Variants in KCTD8 observed in about 807,000 individuals in gnomAD.
The protein encoded by KCTD8 is potassium channel tetramerization domain containing 8.
KCTD8 carries 27 observed loss-of-function variants against 31.5 expected under a neutral mutation model. That is an observed-to-expected ratio of 0.86 (90% CI 0.63 to 1.18). The LOEUF is 1.18. Among genes scored for constraint, KCTD8 ranks in the 50% most tolerant of loss-of-function variants. The pLI, the probability that KCTD8 is intolerant of heterozygous loss-of-function variation, is 0.00. For synonymous variants in KCTD8, 290 were observed against 280.0 expected (o/e 1.04, Z -0.36); for missense variants, 658 against 647.7 (o/e 1.02, Z -0.17).
At chr4:44,346,187 T>C (rs942183969) in intron 1 of KCTD8, among the ~76,000 whole-genome samples, 1 of 152,174 alleles carries the variant, frequency 6.6e-6, no homozygotes, top group Non-Finnish European at 1.5e-5. Context: ...AATGATCACA[T>C]GTACATTTCT....
chr4:44,336,707 C>A (rs1560429547), intron 1 of KCTD8, among the ~76,000 whole-genome samples: 1 of 151,836 alleles, frequency 6.6e-6, no homozygotes, highest in Non-Finnish European at 1.5e-5. Context: ...TTCTCTGTAC[C>A]AGTAACAGTT....
At chr4:44,439,476 A>G (rs1721762466) in intron 1 of KCTD8, among the ~76,000 whole-genome samples, 1 of 152,224 alleles carries the variant, frequency 6.6e-6, no homozygotes, top group Non-Finnish European at 1.5e-5. Flanking sequence ...TTAAGTGTCC[A>G]GTTAGGAATC....
At chr4:44,360,256 T>C (rs1228032470) in intron 1 of KCTD8, among the ~76,000 whole-genome samples, 1 of 152,044 alleles carries the variant, frequency 6.6e-6, no homozygotes, top group African/African-American at 2.4e-5. Flanking sequence ...TAAGAATCTA[T>C]AAAATTATTT....
chr4:44,291,828 C>T (rs1271688851), intron 1 of KCTD8, among the ~76,000 whole-genome samples: 4 of 151,902 alleles, frequency 2.6e-5, no homozygotes, highest in Non-Finnish European at 5.9e-5. Context: ...CAAGAACAGA[C>T]ATTTCTCAAA....
At chr4:44,437,297 T>C (rs1007824777) in intron 1 of KCTD8, among the ~76,000 whole-genome samples, 1 of 152,150 alleles carries the variant, frequency 6.6e-6, no homozygotes, top group Non-Finnish European at 1.5e-5. Context: ...TCACCTACCA[T>C]GTGCAGTCTA....
chr4:44,423,413 T>C (rs1209002413), intron 1 of KCTD8, among the ~76,000 whole-genome samples: 55 of 152,168 alleles, frequency 3.6e-4, no homozygotes, highest in Non-Finnish European at 1.3e-4. Flanking sequence ...CTGTTAATTA[T>C]TTAGTGAACT....
At chr4:44,266,161 C>T (rs1336313312) in intron 1 of KCTD8, among the ~76,000 whole-genome samples, 3 of 152,254 alleles carry the variant, frequency 2.0e-5, no homozygotes, top group Admixed American at 6.5e-5. Flanking sequence ...GGGTTACCCA[C>T]AAAGGGAAGC....
intron 1 of KCTD8, among the ~76,000 whole-genome samples, chr4:44,252,459 CT>C (rs1253255337): frequency 6.6e-6 from 1 of 151,764 alleles, no homozygotes; most frequent in Non-Finnish European, 1.5e-5. Context: ...AGTAGTTGTA[CT>C]AGTTTACATT....
intron 1 of KCTD8, among the ~76,000 whole-genome samples, chr4:44,226,691 C>T (rs545007487): frequency 7.2e-5 from 11 of 152,268 alleles, no homozygotes; most frequent in African/African-American, 2.6e-4. Flanking sequence ...TCCACAGCCT[C>T]GCCAAAATCC....
At chr4:44,329,896 A>G (rs1316185484) in intron 1 of KCTD8, among the ~76,000 whole-genome samples, 1 of 151,922 alleles carries the variant, frequency 6.6e-6, no homozygotes. Context: ...ACAACAGTAA[A>G]TGTAACTCTG....
chr4:44,227,118 C>T (rs1321758320), intron 1 of KCTD8, among the ~76,000 whole-genome samples: 1 of 152,108 alleles, frequency 6.6e-6, no homozygotes, highest in Non-Finnish European at 1.5e-5. Context: ...CTTGCCCATG[C>T]CTATGTGCTG....
In KCTD8 at chr4:44,174,771, T is replaced by C; in HGVS notation, c.*19A>G. 1 of 1,552,426 alleles carries C rather than the reference T, an allele frequency of 6.4e-7. No individual in the cohort carries two copies. On this transcript the variant is annotated 3_prime_UTR_variant, in exon 2 of 2. Transcript: ENST00000360029. ...TAAACATTGAATGTCATCAAAATAC[T>C]GCAGGAATGTGACAATTACTATAAC...
chr4:44,387,401 C>T (rs1329572597), intron 1 of KCTD8, among the ~76,000 whole-genome samples: 1 of 151,858 alleles, frequency 6.6e-6, no homozygotes, highest in Non-Finnish European at 1.5e-5. Context: ...AAAAAAGAGC[C>T]TGAATAACCA....
At chr4:44,232,942 A>G (rs559568024) in intron 1 of KCTD8, among the ~76,000 whole-genome samples, 10 of 152,182 alleles carry the variant, frequency 6.6e-5, no homozygotes, top group South Asian at 2.1e-4. Context: ...TTGGAGTGGG[A>G]AAGTGGAAAA....
chr4:44,442,487 C>T (rs890282935), intron 1 of KCTD8, among the ~76,000 whole-genome samples: 1 of 151,536 alleles, frequency 6.6e-6, no homozygotes, highest in Non-Finnish European at 1.5e-5. Flanking sequence ...CTCGGGAGGC[C>T]GAGGCAGGAG....
chr4:44,434,657 A>T (rs1721598665), intron 1 of KCTD8, among the ~76,000 whole-genome samples: 1 of 151,994 alleles, frequency 6.6e-6, no homozygotes, highest in Non-Finnish European at 1.5e-5. Flanking sequence ...GAACAAAAAA[A>T]GAAAGCACTG....
chr4:44,186,254 C>A (rs1311244774), intron 1 of KCTD8, among the ~76,000 whole-genome samples: 1 of 152,174 alleles, frequency 6.6e-6, no homozygotes, highest in Non-Finnish European at 1.5e-5. Context: ...GTGGCGGCGG[C>A]TGAGGGGAAT....
intron 1 of KCTD8, among the ~76,000 whole-genome samples, chr4:44,368,682 A>G (rs1719703178): frequency 6.6e-6 from 1 of 152,206 alleles, no homozygotes; most frequent in African/African-American, 2.4e-5. Context: ...AACTATAAGT[A>G]AAAAGTAAGC....
chr4:44,313,995 T>C (rs944277116), intron 1 of KCTD8, among the ~76,000 whole-genome samples: 5 of 152,134 alleles, frequency 3.3e-5, no homozygotes, highest in African/African-American at 1.2e-4. Flanking sequence ...GGCCAGACAA[T>C]GAATGGTCAT....
Sources: allele counts gnomAD v4.1 joint callset (sites outside exome capture counted in the v4.1 genomes callset), GRCh38; gene constraint gnomAD v4.1.1; transcripts MANE v1.5; gene names NCBI Gene and HGNC (gene_info 2026-07-23, HGNC 2026-07-21).